The following UPF3B variants were observed in gnomAD, a reference collection of about 807,000 sequenced individuals.
The protein encoded by UPF3B is regulator of nonsense transcripts 3B.
In UPF3B, 7 loss-of-function variants were observed where a neutral mutation model predicts 40.3. That is an observed-to-expected ratio of 0.17 (90% CI 0.10 to 0.33). The LOEUF is 0.33. Among genes scored for constraint, UPF3B ranks in the 10% least tolerant of loss-of-function variants. The probability of loss-of-function intolerance (pLI) is 1.00; values close to 1 mark genes in which losing one functional copy is unlikely to be tolerated. For synonymous variants in UPF3B, 117 were observed against 117.3 expected, an observed-to-expected ratio of 1.00 and a Z score of 0.01; for missense variants, 229 against 358.9, an observed-to-expected ratio of 0.64 and a Z score of 2.93.
intron 3 of UPF3B, among the ~76,000 whole-genome samples, chrX:119,846,390 T>C (rs2056232462): frequency 1.9e-5 from 2 of 105,430 alleles, no homozygotes; most frequent in Admixed American, 1.0e-4. Context: ...TAGCCAGGCG[T>C]GATAGTGCAC....
rs767841054 is a variant in UPF3B, at chrX:119,828,270, G to A, written c.392+3382C>T. On this transcript the variant is annotated intron_variant, in intron 3 of 6. Transcript: ENST00000636792. ...AGTAGAGACCAGGTTTCACCACGTT[G>A]GCCAGGCTGGTCTTGAACTCCTGAC... Among the ~76,000 whole-genome samples, 136 of 111,363 alleles carry A rather than the reference G, an allele frequency of 1.2e-3. 1 individual carries two copies. The highest frequency in any genetic ancestry group is 2.2e-3 in the Non-Finnish European group (115 of 52,967).
chrX:119,816,498 G>T (rs1309339741), intron 4 of UPF3B, among the ~76,000 whole-genome samples: 1 of 111,588 alleles, frequency 9.0e-6, no homozygotes, highest in Admixed American at 9.6e-5. Flanking sequence ...TTTGCTAAAT[G>T]AATGAGCAAA....
intron 5 of UPF3B, 129 bp from the exon 6 acceptor site, chrX:119,841,907 T>C (rs2056165226): frequency 2.0e-6 from 1 of 512,336 alleles, no homozygotes; most frequent in African/African-American, 2.4e-5. Context: ...AGATCACAAT[T>C]GTAATATCAG....
intron 5 of UPF3B, among the ~76,000 whole-genome samples, chrX:119,814,934 C>T (rs1393639019): frequency 7.3e-5 from 7 of 96,199 alleles, no homozygotes; most frequent in African/African-American, 2.3e-4. Flanking sequence ...GGCAAGATCA[C>T]GGCTTACTGC....
chrX:119,829,171 G>A (rs758724173), downstream of UPF3B, among the ~76,000 whole-genome samples: 2 of 111,657 alleles, frequency 1.8e-5, no homozygotes, highest in South Asian at 3.7e-4. Flanking sequence ...ACAGGCGTGC[G>A]CCATCATGCC....
chrX:119,850,912 T>A (rs1430898273), intron 3 of UPF3B, among the ~76,000 whole-genome samples: 3 of 111,722 alleles, frequency 2.7e-5, no homozygotes, highest in African/African-American at 9.8e-5. Context: ...CTAATTTTTT[T>A]AGCATTTTTA....
At chrX:119,818,605 A>G (rs981614762) in intron 4 of UPF3B, among the ~76,000 whole-genome samples, 5 of 111,898 alleles carry the variant, frequency 4.5e-5, no homozygotes, top group African/African-American at 1.6e-4. Context: ...AGCCATCACC[A>G]TAGACATCAC....
At chrX:119,837,635 A>AAT in intron 10 of UPF3B, 122 bp downstream of exon 10, 6 of 679,805 alleles carry the variant, frequency 8.8e-6, no homozygotes, top group Non-Finnish European at 1.3e-5. Flanking sequence ...AAAAAAAAAA[A>AAT]GTTGCAGATG....
At position 119,834,203 on chromosome X, in the gene UPF3B, T is replaced by C. The variant is rs1038502881; in HGVS notation, c.*675A>G. 16 of 753,808 alleles carry C rather than the reference T, an allele frequency of 2.1e-5. No individual in the cohort carries two copies. The African/African-American group carries it at 3.5e-4, about 16-fold the overall frequency. The allele number at this position is 753,808 out of a possible 1,213,427, so 62.1% of individuals were successfully genotyped here. ...CAAGAGTCAAACAAGGACTACATTTTACCTCTTAATAGAAAAGATGCTGAT... is the reference window on the plus strand; with the variant it reads ...CAAGAGTCAAACAAGGACTACATTTCACCTCTTAATAGAAAAGATGCTGAT... On this transcript the variant is annotated 3_prime_UTR_variant, in exon 11 of 11. Coordinates refer to ENST00000276201, the MANE Select transcript of UPF3B (RefSeq NM_080632.3).
In UPF3B at chrX:119,851,748, CTTT is replaced by C. The variant is rs55712755; in HGVS notation, c.263+16_263+18del. 3,933 of 539,081 alleles carry C rather than the reference CTTT, an allele frequency of 7.3e-3. No homozygotes were observed. Among genetic ancestry groups the C allele is most frequent in the Non-Finnish European group, 8.4e-3 (3,304 of 394,020 alleles). 44.4% of individuals were successfully genotyped at this position (539,081 alleles called of 1,213,427 possible). On this transcript the variant is annotated intron_variant, in intron 2 of 10. Transcript: ENST00000276201. ...GAAACCTTTTTCATTTACCCCTTTC[CTTT>C]TTTTTTTTTTTTTACCTCGTATCAT... is the stretch of plus-strand genomic sequence containing the variant.
At chrX:119,846,886 G>C (rs150634534) in intron 3 of UPF3B, among the ~76,000 whole-genome samples, 1,234 of 111,959 alleles carry the variant, frequency 0.011, 9 homozygotes, top group Middle Eastern at 0.056. Context: ...ATCTGATAAG[G>C]GGTAATATCG....
chrX:119,814,932 CA>C (rs2055852162), intron 5 of UPF3B, among the ~76,000 whole-genome samples: 1 of 92,453 alleles, frequency 1.1e-5, no homozygotes, highest in Non-Finnish European at 2.1e-5. Context: ...GTGGCAAGAT[CA>C]CGGCTTACTG....
intron 5 of UPF3B, among the ~76,000 whole-genome samples, chrX:119,808,784 T>C (rs987448628): frequency 3.6e-5 from 4 of 111,969 alleles, no homozygotes; most frequent in South Asian, 3.7e-4. Context: ...TTCAGGAGAA[T>C]GGCTTCTCTT....
chrX:119,840,928 G>T, intron 7 of UPF3B, 148 bp downstream of exon 7: 1 of 649,377 alleles, frequency 1.5e-6, no homozygotes, highest in Non-Finnish European at 2.3e-6. Flanking sequence ...ACTATTACAG[G>T]AAAGATTTTT....
At chrX:119,820,123 G>A (rs1198741509) in intron 4 of UPF3B, among the ~76,000 whole-genome samples, 1 of 110,444 alleles carries the variant, frequency 9.1e-6, no homozygotes, top group African/African-American at 3.3e-5. Flanking sequence ...GGGACTACAG[G>A]CATGTGCCAC....
chrX:119,839,379 TA>T (rs2056136737), intron 8 of UPF3B, among the ~76,000 whole-genome samples: 1 of 112,528 alleles, frequency 8.9e-6, no homozygotes, highest in African/African-American at 3.2e-5. Context: ...GCATTTGATT[TA>T]AAAATCTAAA....
At chrX:119,817,075 T>C (rs2428991) in intron 4 of UPF3B, among the ~76,000 whole-genome samples, 6,346 of 111,611 alleles carry the variant, frequency 0.057, 409 homozygotes, top group African/African-American at 0.19. Context: ...GTTTAGGCGC[T>C]TCTCCTGCCT....
intron 10 of UPF3B, 105 bp downstream of exon 10, chrX:119,837,652 G>A (rs1270451165): frequency 2.7e-5 from 17 of 640,594 alleles, no homozygotes; most frequent in African/African-American, 1.9e-4. Context: ...GATGATTAAA[G>A]TTCCCCTTTA....
intron 3 of UPF3B, among the ~76,000 whole-genome samples, chrX:119,849,934 AAAAAC>A (rs1204797971): frequency 1.8e-5 from 2 of 110,421 alleles, no homozygotes; most frequent in African/African-American, 6.6e-5. Flanking sequence ...TCTAAGATTT[AAAAAC>A]AAAACAAAAC....
Sources: allele counts gnomAD v4.1 joint callset (sites outside exome capture counted in the v4.1 genomes callset), GRCh38; gene constraint gnomAD v4.1.1; transcripts MANE v1.5; gene names NCBI Gene and HGNC (gene_info 2026-07-23, HGNC 2026-07-21).